ADCY8: variants seen among roughly 807,000 people sequenced by gnomAD.
ADCY8 encodes adenylate cyclase type 8.
Under a neutral mutation model 119.7 loss-of-function variants are expected in ADCY8, and 51 were observed. The observed-to-expected ratio is 0.43, with a 90% CI of 0.34 to 0.54. The LOEUF is 0.54. Among genes scored for constraint, ADCY8 ranks in the 20% least tolerant of loss-of-function variants. The pLI is 0.03. For synonymous variants in ADCY8, 665 were observed against 651.0 expected, an observed-to-expected ratio of 1.02 and a Z score of -0.33; for missense variants, 1,383 against 1,598.8, an observed-to-expected ratio of 0.87 and a Z score of 2.30.
rs115560136 is a variant in ADCY8, at chr8:130,956,322, T to C, written c.1111-4324A>G. 7.7e-3 allele frequency among the ~76,000 whole-genome samples: 1,177 copies of C among 152,302 alleles called. 20 individuals are homozygous for C. Among genetic ancestry groups the C allele is most frequent in the African/African-American group, 0.026 (1,090 of 41,576 alleles). On this transcript the variant is annotated intron_variant, in intron 2 of 17. Coordinates refer to ENST00000286355, the MANE Select transcript of ADCY8 (RefSeq NM_001115.3). Reference sequence around the variant, plus strand: ...ACATCCTCTATTCTGAGCAGGAGATTATGGGCTATTTATTGTGTTAAACTG... The same window carrying C: ...ACATCCTCTATTCTGAGCAGGAGATCATGGGCTATTTATTGTGTTAAACTG...
At chr8:130,822,566 CCA>C (rs1816549336) in intron 12 of ADCY8, among the ~76,000 whole-genome samples, 2 of 151,062 alleles carry the variant, frequency 1.3e-5, no homozygotes, top group Non-Finnish European at 2.9e-5. Flanking sequence ...ATCCATCCAT[CCA>C]TCCATCCATC....
Position 131,039,518 on chromosome 8 carries a change from G to C in ADCY8, c.816C>G (p.Gly272=). ...LGYGLLGDGI[G]YVLFTLFATY... Reference sequence around the variant, plus strand: ...TGGCGAAGAGCGTGAAGAGCACGTAGCCTATGCCGTCGCCCAGGAGCCCGT... The same window carrying C: ...TGGCGAAGAGCGTGAAGAGCACGTACCCTATGCCGTCGCCCAGGAGCCCGT... Residue 272 remains glycine (G), a synonymous_variant, in exon 1 of 18, where the codon GGC becomes GGG. Transcript: ENST00000286355. The C allele has an allele frequency of 6.2e-7, 1 of 1,613,938 alleles. No individual in the cohort carries two copies. Among genetic ancestry groups the C allele is most frequent in the South Asian group, 1.1e-5 (1 of 91,084 alleles).
chr8:130,811,838 TG>T (rs1205178675), intron 14 of ADCY8, among the ~76,000 whole-genome samples: 1 of 152,218 alleles, frequency 6.6e-6, no homozygotes, highest in Non-Finnish European at 1.5e-5. Context: ...ATGTCCCCTG[TG>T]GGCCAGTCCA....
At chr8:130,866,181 C>G (rs923245274) in intron 9 of ADCY8, among the ~76,000 whole-genome samples, 9 of 152,018 alleles carry the variant, frequency 5.9e-5, no homozygotes, top group Non-Finnish European at 8.8e-5. Context: ...GTTTTGCTAT[C>G]TAGTTGGTCA....
At chr8:130,806,924 G>A (rs34659468) in intron 14 of ADCY8, among the ~76,000 whole-genome samples, 36,829 of 151,996 alleles carry the variant, frequency 0.24, 4,532 homozygotes, top group East Asian at 0.26. Flanking sequence ...TACACCTTCC[G>A]AGACAGTCCC....
intron 14 of ADCY8, among the ~76,000 whole-genome samples, chr8:130,800,872 T>C (rs1815756078): frequency 6.6e-6 from 1 of 152,192 alleles, no homozygotes; most frequent in South Asian, 2.1e-4. Flanking sequence ...CACTTTCTGG[T>C]TCAGAGATGT....
intron 1 of ADCY8, among the ~76,000 whole-genome samples, chr8:131,020,646 T>C (rs537596604): frequency 5.9e-5 from 9 of 152,324 alleles, no homozygotes; most frequent in Non-Finnish European, 1.0e-4. Flanking sequence ...TATTTATAAC[T>C]TCAAGAGTCA....
intron 1 of ADCY8, among the ~76,000 whole-genome samples, chr8:131,010,133 A>G (rs575003868): frequency 1.8e-4 from 28 of 152,342 alleles, no homozygotes; most frequent in African/African-American, 6.7e-4. Flanking sequence ...ATGGATTCCA[A>G]AATCCATTTC....
chr8:130,833,142 T>C (rs1816888916), intron 12 of ADCY8, among the ~76,000 whole-genome samples: 1 of 152,220 alleles, frequency 6.6e-6, no homozygotes, highest in Non-Finnish European at 1.5e-5. Flanking sequence ...GTTTTGAGTT[T>C]CTTTGAACCC....
chr8:130,862,973 G>T (rs573132419), intron 9 of ADCY8, among the ~76,000 whole-genome samples: 1 of 152,284 alleles, frequency 6.6e-6, no homozygotes, highest in South Asian at 2.1e-4. Flanking sequence ...CCATTGGGTG[G>T]AATAGTCTAT....
At chr8:130,795,355 C>T (rs1308203388) in intron 15 of ADCY8, among the ~76,000 whole-genome samples, 1 of 152,146 alleles carries the variant, frequency 6.6e-6, no homozygotes, top group African/African-American at 2.4e-5. Flanking sequence ...TGTGGAACAC[C>T]TTTTTCAAAA....
chr8:130,804,505 C>T (rs780180088), intron 14 of ADCY8, among the ~76,000 whole-genome samples: 7 of 152,164 alleles, frequency 4.6e-5, no homozygotes, highest in African/African-American at 1.2e-4. Context: ...TATAAATTTT[C>T]GGGAGACATA....
intron 12 of ADCY8, among the ~76,000 whole-genome samples, chr8:130,831,684 T>C (rs777474116): frequency 6.6e-5 from 10 of 152,132 alleles, no homozygotes; most frequent in Non-Finnish European, 1.5e-4. Context: ...AGTAAACTGG[T>C]TTGAAAATTT....
chr8:130,896,246 G>A (rs1396860322), intron 7 of ADCY8, among the ~76,000 whole-genome samples: 1 of 152,088 alleles, frequency 6.6e-6, no homozygotes, highest in Non-Finnish European at 1.5e-5. Flanking sequence ...CGGAGTGCTT[G>A]CCCCACCTTC....
chr8:130,955,589 A>G (rs916868217), intron 2 of ADCY8, among the ~76,000 whole-genome samples: 2 of 152,144 alleles, frequency 1.3e-5, no homozygotes, highest in African/African-American at 4.8e-5. Flanking sequence ...TAAAAATAAA[A>G]CAGAATAGTA....
chr8:131,012,541 G>T (rs550364360), intron 1 of ADCY8, among the ~76,000 whole-genome samples: 2 of 152,226 alleles, frequency 1.3e-5, no homozygotes, highest in East Asian at 3.8e-4. Flanking sequence ...GGGGTGCACC[G>T]TGGTGGATCC....
rs750412883 is a variant in ADCY8, at chr8:130,951,850, G to A, written c.1241+18C>T. The A allele has an allele frequency of 1.9e-6, 3 of 1,613,528 alleles. No homozygotes were observed. Among genetic ancestry groups the A allele is most frequent in the South Asian group, 1.1e-5 (1 of 91,020 alleles). On this transcript the variant is annotated intron_variant, in intron 3 of 17. Coordinates refer to ENST00000286355, the MANE Select transcript of ADCY8 (RefSeq NM_001115.3). ...ATGGATCATGCAAGAGCCGGGGCAAGGGTGTTGTGTTTCTCACCTGACGTT... is the reference window on the plus strand; with the variant it reads ...ATGGATCATGCAAGAGCCGGGGCAAAGGTGTTGTGTTTCTCACCTGACGTT...
rs886733658 is a variant in ADCY8 at position 130,832,675 on chromosome 8, G to A, written c.2675+3602C>T. Among the ~76,000 whole-genome samples the A allele has an allele frequency of 7.9e-5, 12 of 152,076 alleles. 1 individual carries two copies. Among genetic ancestry groups the A allele is most frequent in the Non-Finnish European group, 7.4e-5 (5 of 68,006 alleles). ...AAAAAGCTGAAAAAAGCACTTGATC[G>A]CCAGCAGCAATGAACCTGGAGTTAT... On this transcript the variant is annotated intron_variant, in intron 12 of 17. Transcript: ENST00000286355.
chr8:131,017,424 G>C (rs1269807454), intron 1 of ADCY8, among the ~76,000 whole-genome samples: 2 of 152,192 alleles, frequency 1.3e-5, no homozygotes. Flanking sequence ...TAGATGGCTG[G>C]AGACATTCAA....
Sources: allele counts gnomAD v4.1 joint callset (sites outside exome capture counted in the v4.1 genomes callset), GRCh38; gene constraint gnomAD v4.1.1; transcripts MANE v1.5; gene names NCBI Gene and HGNC (gene_info 2026-07-23, HGNC 2026-07-21).